KLF12: variants seen among roughly 807,000 people sequenced by gnomAD.
The protein encoded by KLF12 is KLF transcription factor 12, also known as Krueppel-like factor 12.
In KLF12, 9 loss-of-function variants were observed where a neutral mutation model predicts 37.8. That is an observed-to-expected ratio of 0.24 (90% CI 0.14 to 0.42). The LOEUF (loss-of-function observed/expected upper bound fraction) is 0.42, where lower values mean the gene tolerates loss of function less well. Ranked by LOEUF, KLF12 falls within the 10% of genes least tolerant of loss-of-function variation. KLF12 has a pLI of 1.00. For missense variants in KLF12, 411 were observed against 516.0 expected (o/e 0.80, Z 1.97); for synonymous variants, 208 against 202.1 (o/e 1.03, Z -0.25).
At chr13:73,856,744 T>A (rs545648874) in intron 3 of KLF12, among the ~76,000 whole-genome samples, 1 of 152,048 alleles carries the variant, frequency 6.6e-6, no homozygotes, top group Non-Finnish European at 1.5e-5. Flanking sequence ...ATCCCAACAA[T>A]TTGGGAGGCG....
chr13:73,815,056 A>AAAAT (rs60166535), intron 4 of KLF12, among the ~76,000 whole-genome samples: 19 of 151,706 alleles, frequency 1.3e-4, no homozygotes, highest in East Asian at 5.8e-4. Flanking sequence ...AAAAAAAAAA[A>AAAAT]TCACTGTCAT....
chr13:73,903,508 G>A lies in KLF12; in HGVS notation c.123+40473C>T, dbSNP rs370198090. On this transcript the variant is annotated intron_variant, in intron 3 of 7. Coordinates refer to ENST00000377669, the MANE Select transcript of KLF12 (RefSeq NM_007249.5). The stretch of plus-strand genomic sequence containing the variant: ...TTTAGTAGGATTTGTACCTAAAGCC[G>A]AATTCAAGAATAGAATTGTATACTT... Among the ~76,000 whole-genome samples the A allele has an allele frequency of 7.2e-5, 11 of 152,258 alleles. No individual in the cohort carries two copies. The East Asian group carries it at 1.2e-3, about 16-fold the overall frequency.
chr13:74,043,381 C>T (rs915778080), intron 1 of KLF12, among the ~76,000 whole-genome samples: 2 of 152,092 alleles, frequency 1.3e-5, no homozygotes, highest in Non-Finnish European at 2.9e-5. Context: ...ACAGGAGTAA[C>T]GAAACTAAGA....
At chr13:73,928,678 A>T (rs553289743) in intron 3 of KLF12, among the ~76,000 whole-genome samples, 1 of 152,194 alleles carries the variant, frequency 6.6e-6, no homozygotes, top group Non-Finnish European at 1.5e-5. Flanking sequence ...ACCTGCAAAA[A>T]TCAATGATTT....
At chr13:73,765,574 TAA>T (rs1390562761) in intron 5 of KLF12, among the ~76,000 whole-genome samples, 1 of 152,116 alleles carries the variant, frequency 6.6e-6, no homozygotes, top group African/African-American at 2.4e-5. Flanking sequence ...TTGAAGAAAG[TAA>T]AGTCAATTCA....
intron 4 of KLF12, among the ~76,000 whole-genome samples, chr13:73,840,839 C>T (rs979767076): frequency 6.6e-6 from 1 of 152,072 alleles, no homozygotes; most frequent in Non-Finnish European, 1.5e-5. Flanking sequence ...CCTCCCCCTA[C>T]TTAAGCCTCT....
the KLF12 span, among the ~76,000 whole-genome samples, chr13:74,249,839 A>C: frequency 6.6e-6 from 1 of 152,134 alleles, no homozygotes; most frequent in Non-Finnish European, 1.5e-5. Flanking sequence ...GATGAGGTAA[A>C]CAGAGTCAGT....
chr13:74,154,071 C>CAA, the KLF12 span, among the ~76,000 whole-genome samples: 1,033 of 146,256 alleles, frequency 7.1e-3, 13 homozygotes, highest in African/African-American at 0.02. Flanking sequence ...AGTAAAATAC[C>CAA]AAAAAAAAAA....
intron 1 of KLF12, among the ~76,000 whole-genome samples, chr13:74,129,435 T>C (rs539061960): frequency 6.6e-6 from 1 of 152,300 alleles, no homozygotes; most frequent in African/African-American, 2.4e-5. Flanking sequence ...GGGACACAAT[T>C]CATGGCTGTC....
In KLF12 at chr13:73,735,368, T is replaced by A. The variant is rs369238239; in HGVS notation, c.870-19843A>T. ...TTATCTACATGTAATTTAAAAGATA[T>A]CATTCAATACAATGGACAACAAAAG... On this transcript the variant is annotated intron_variant, in intron 6 of 7. Transcript: ENST00000377669. 1.2e-4 allele frequency among the ~76,000 whole-genome samples: 18 copies of A among 152,268 alleles called. No homozygotes were observed. The South Asian group carries it at 3.7e-3, about 32-fold the overall frequency.
chr13:74,081,486 A>T (rs1053697962), intron 1 of KLF12, among the ~76,000 whole-genome samples: 4 of 152,146 alleles, frequency 2.6e-5, no homozygotes, highest in Non-Finnish European at 4.4e-5. Flanking sequence ...GCTTAATAGT[A>T]TTACATTTTT....
chr13:73,796,568 A>C (rs1328495907), intron 5 of KLF12, among the ~76,000 whole-genome samples: 1 of 137,060 alleles, frequency 7.3e-6, no homozygotes, highest in Non-Finnish European at 1.6e-5. Flanking sequence ...TTCTTCCTTC[A>C]TCTGTCTCCT....
chr13:73,695,807 A>T lies in KLF12; in HGVS notation c.1028-136T>A, dbSNP rs1593966515. 6.2e-6 allele frequency: 5 copies of T among 800,674 alleles called. No homozygotes were observed. In the East Asian group the frequency reaches 1.3e-4, roughly 21 times the overall value. The allele number at this position is 800,674 out of a possible 1,614,324, so 49.6% of individuals were successfully genotyped here. On this transcript the variant is annotated intron_variant, in intron 7 of 7. Coordinates refer to ENST00000377669, the MANE Select transcript of KLF12 (RefSeq NM_007249.5). ...TAAATCTTTGTCGGGAAACCTTACC[A>T]TCCCACCAGCGGTCTGGGTCAGACA...
At chr13:73,816,008 A>G (rs950006196) in intron 4 of KLF12, among the ~76,000 whole-genome samples, 1 of 152,180 alleles carries the variant, frequency 6.6e-6, no homozygotes, top group Admixed American at 6.5e-5. Flanking sequence ...TCTTTCCAAT[A>G]TTTTCAATAA....
chr13:74,136,321 A>G (rs561311074), upstream of KLF12, among the ~76,000 whole-genome samples: 1 of 152,268 alleles, frequency 6.6e-6, no homozygotes, highest in African/African-American at 2.4e-5. Flanking sequence ...GGCCTAGGGT[A>G]AACAGCCCCT....
chr13:73,846,398 T>A (rs1408530968), intron 3 of KLF12, 25 bp from the exon 4 acceptor site: 1 of 1,574,266 alleles, frequency 6.4e-7, no homozygotes, highest in Admixed American at 1.8e-5. Flanking sequence ...ATGGAACATA[T>A]ATTTATCTTT....
the KLF12 span, among the ~76,000 whole-genome samples, chr13:74,275,415 T>C: frequency 6.6e-6 from 1 of 152,310 alleles, no homozygotes; most frequent in East Asian, 1.9e-4. Context: ...GTCTAACTAG[T>C]TGCTTTCAAA....
At chr13:73,995,274 G>A (rs1886516) in intron 1 of KLF12, among the ~76,000 whole-genome samples, 11,318 of 152,130 alleles carry the variant, frequency 0.074, 638 homozygotes, top group African/African-American at 0.16. Flanking sequence ...ATGACACTAG[G>A]ACAAGATCCT....
chr13:74,229,058 A>G, the KLF12 span, among the ~76,000 whole-genome samples: 1 of 152,184 alleles, frequency 6.6e-6, no homozygotes. Context: ...GAAACTTGTA[A>G]TGGTGCTGAC....
Sources: gnomAD v4.1 joint callset for allele counts (sites outside exome capture counted in the v4.1 genomes callset) on GRCh38, gnomAD v4.1.1 for gene constraint, MANE v1.5 for transcripts, NCBI Gene and HGNC (gene_info 2026-07-23, HGNC 2026-07-21) for gene names.